The following BLTP1 variants were observed in gnomAD, a reference collection of about 807,000 sequenced individuals.
The protein encoded by BLTP1 is fragile site-associated protein.
At chr4:122,212,247 C>A in the BLTP1 span, among the ~76,000 whole-genome samples, 1 of 152,180 alleles carries the variant, frequency 6.6e-6, no homozygotes, top group South Asian at 2.1e-4. Context: ...GATGATGTAA[C>A]TTAGTATAAA....
At chr4:122,153,169 T>G in the BLTP1 span, 3 of 350,610 alleles carry the variant, frequency 8.6e-6, no homozygotes, top group African/African-American at 2.2e-5. Flanking sequence ...GTTTTTTTTT[T>G]TTTTTTTTTT....
the BLTP1 span, among the ~76,000 whole-genome samples, chr4:122,282,334 A>G: frequency 6.6e-6 from 1 of 152,292 alleles, no homozygotes; most frequent in South Asian, 2.1e-4. Context: ...GAATTGGCAC[A>G]TTACCAATAC....
At chr4:122,308,172 C>A in the BLTP1 span, 3 of 1,612,100 alleles carry the variant, frequency 1.9e-6, no homozygotes, top group South Asian at 1.1e-5. Context: ...TACAAAAAGT[C>A]AAGTCATATT....
the BLTP1 span, chr4:122,348,772 C>A: frequency 8.2e-7 from 1 of 1,215,748 alleles, no homozygotes; most frequent in South Asian, 1.5e-5. Flanking sequence ...AACTTTTCTT[C>A]TACTGTAGTA....
the BLTP1 span, among the ~76,000 whole-genome samples, chr4:122,297,541 G>T: frequency 6.6e-6 from 1 of 152,178 alleles, no homozygotes; most frequent in Non-Finnish European, 1.5e-5. Context: ...ATTTTGCCCA[G>T]CAATCCCATT....
chr4:122,249,419 T>C, the BLTP1 span: 1 of 1,575,182 alleles, frequency 6.3e-7, no homozygotes, highest in Non-Finnish European at 8.6e-7. Flanking sequence ...TATGTCCAAA[T>C]GTTTGTGTTT....
the BLTP1 span, chr4:122,267,019 C>A: frequency 7.9e-6 from 5 of 633,848 alleles, no homozygotes; most frequent in Non-Finnish European, 1.3e-5. Flanking sequence ...TGTTTTTTAA[C>A]GTTACTTTCG....
the BLTP1 span, chr4:122,234,212 C>A: frequency 1.4e-3 from 861 of 631,270 alleles, 11 homozygotes; most frequent in African/African-American, 0.016. Flanking sequence ...ATTTGTAGTC[C>A]TTATTACAAA....
chr4:122,239,478 T>A, the BLTP1 span: 1 of 1,439,224 alleles, frequency 6.9e-7, no homozygotes. Context: ...AATTTTATGA[T>A]GTATAGAAAA....
chr4:122,325,689 C>A, the BLTP1 span: 2 of 967,078 alleles, frequency 2.1e-6, no homozygotes, highest in Non-Finnish European at 2.8e-6. Flanking sequence ...TTATAGATAG[C>A]AGAAATTAGA....
the BLTP1 span, chr4:122,339,088 ATTTC>A: frequency 3.3e-6 from 4 of 1,199,126 alleles, no homozygotes; most frequent in Non-Finnish European, 3.4e-6. Flanking sequence ...GATATACTTT[ATTTC>A]TTTCTGTTTA....
At chr4:122,245,057 C>T in the BLTP1 span, 2 of 1,612,268 alleles carry the variant, frequency 1.2e-6, no homozygotes, top group Non-Finnish European at 1.7e-6. Flanking sequence ...TAGTACCCGA[C>T]ATCCAGCTGC....
At chr4:122,299,219 T>G in the BLTP1 span, 1 of 884,120 alleles carries the variant, frequency 1.1e-6, no homozygotes, top group Non-Finnish European at 1.4e-6. Flanking sequence ...AAACAAAATG[T>G]GATAAAGAAC....
At chr4:122,190,022 G>A in the BLTP1 span, 2 of 1,613,046 alleles carry the variant, frequency 1.2e-6, no homozygotes, top group Non-Finnish European at 1.7e-6. Context: ...AATGGGAGAA[G>A]GTTTTGTGGT....
the BLTP1 span, chr4:122,345,108 G>A: frequency 1.3e-6 from 1 of 795,546 alleles, no homozygotes; most frequent in Non-Finnish European, 1.5e-6. Flanking sequence ...AATAAATATG[G>A]TATGTTCACT....
the BLTP1 span, chr4:122,195,642 T>G: frequency 8.1e-6 from 5 of 619,814 alleles, no homozygotes; most frequent in African/African-American, 3.9e-5. Context: ...TCTACTGCCC[T>G]TCTCATTATG....
the BLTP1 span, chr4:122,333,536 T>G: frequency 1.5e-6 from 2 of 1,328,932 alleles, no homozygotes; most frequent in South Asian, 1.6e-5. Flanking sequence ...TATTAGCCCT[T>G]TGTCAGATGA....
the BLTP1 span, among the ~76,000 whole-genome samples, chr4:122,287,946 T>C: frequency 6.6e-6 from 1 of 152,140 alleles, no homozygotes; most frequent in African/African-American, 2.4e-5. Context: ...ATACAGTGTA[T>C]TGTATAATTC....
the BLTP1 span, among the ~76,000 whole-genome samples, chr4:122,358,437 G>T: frequency 6.6e-6 from 1 of 152,142 alleles, no homozygotes; most frequent in South Asian, 2.1e-4. Context: ...TGTATGTGAG[G>T]ATTTCAATTA....
Sources: allele counts gnomAD v4.1 joint callset (sites outside exome capture counted in the v4.1 genomes callset), GRCh38; gene constraint gnomAD v4.1.1; transcripts MANE v1.5; gene names NCBI Gene and HGNC (gene_info 2026-07-23, HGNC 2026-07-21).